Variants in PAPOLA observed in about 807,000 individuals in gnomAD.
PAPOLA encodes polynucleotide adenylyltransferase alpha.
In PAPOLA, 15 loss-of-function variants were observed where a neutral mutation model predicts 100.6. The observed-to-expected ratio is 0.15, with a 90% CI of 0.10 to 0.23. The LOEUF (loss-of-function observed/expected upper bound fraction) is 0.23, where lower values mean the gene tolerates loss of function less well. Among genes scored for constraint, PAPOLA ranks in the 10% least tolerant of loss-of-function variants. PAPOLA has a pLI of 1.00. For missense variants in PAPOLA, 533 were observed against 884.2 expected, an observed-to-expected ratio of 0.60 and a Z score of 5.04; for synonymous variants, 293 against 300.0, an observed-to-expected ratio of 0.98 and a Z score of 0.24.
intron 14 of PAPOLA, 122 bp downstream of exon 14, chr14:96,543,015 T>C (rs1900117661): frequency 1.0e-6 from 1 of 969,128 alleles, no homozygotes; most frequent in East Asian, 2.8e-5. Flanking sequence ...TTATAGACAA[T>C]TTAGAACTTA....
Position 96,507,279 on chromosome 14 carries a change from A to AGTTTTTT in PAPOLA, c.8+4680_8+4686dup, listed in dbSNP as rs1491010181. Among the ~76,000 whole-genome samples the AGTTTTTT allele has an allele frequency of 4.0e-3, 423 of 104,636 alleles. 9 individuals carry two copies. Among genetic ancestry groups the AGTTTTTT allele is most frequent in the African/African-American group, 0.015 (407 of 26,894 alleles). The allele number at this position is 104,636 out of a possible 152,430, so 68.6% of individuals were successfully genotyped here. A position where few individuals can be genotyped will look rare whatever the true frequency, so the allele number is the denominator to read the frequency against. ...TACTAAATTTTTTGTTTTGGAAAATAGTTTTTTTTTTTTTTTTTTTTTTTT... is the reference window on the plus strand; with the variant it reads ...TACTAAATTTTTTGTTTTGGAAAATAGTTTTTTGTTTTTTTTTTTTTTTTTTTTTTTT... On this transcript the variant is annotated intron_variant, in intron 1 of 21. Transcript: ENST00000216277.
rs1289488209 is a variant in PAPOLA, at chr14:96,565,147, C to G, written c.*97C>G. ...ATGGAGGGTACAAGACTAGACATGA[C>G]TGAAATGGATTTGGGTTTTTTGGTG... On this transcript the variant is annotated 3_prime_UTR_variant, in exon 22 of 22. Transcript: ENST00000216277. 1.4e-6 allele frequency: 1 copy of G among 728,744 alleles called. No individual in the cohort carries two copies. The highest frequency in any genetic ancestry group is 2.5e-6 in the Non-Finnish European group (1 of 406,040). The allele number at this position is 728,744 out of a possible 1,614,324, so 45.1% of individuals were successfully genotyped here.
In PAPOLA at chr14:96,565,303, A is replaced by C. The variant is rs1347820382; in HGVS notation, c.*253A>C. 2.5e-6 allele frequency: 1 copy of C among 392,784 alleles called. No homozygotes were observed. The highest frequency in any genetic ancestry group is 2.0e-5 in the African/African-American group (1 of 50,190). The allele number at this position is 392,784 out of a possible 1,614,324, so 24.3% of individuals were successfully genotyped here. The stretch of plus-strand genomic sequence containing the variant: ...AAAAATTACTGCCTTTAAAAAAAAC[A>C]ACCTCAAGCTATATTTGTATTCATA... On this transcript the variant is annotated 3_prime_UTR_variant, in exon 22 of 22. Coordinates refer to ENST00000216277, the MANE Select transcript of PAPOLA (RefSeq NM_032632.5).
intron 1 of PAPOLA, among the ~76,000 whole-genome samples, chr14:96,505,566 A>G (rs1191567116): frequency 1.3e-5 from 2 of 152,170 alleles, no homozygotes; most frequent in Non-Finnish European, 2.9e-5. Context: ...AGGCGAGACA[A>G]TAGCAAAAAT....
chr14:96,552,707 A>G (rs768554151), intron 17 of PAPOLA, 85 bp downstream of exon 17: 101 of 1,198,572 alleles, frequency 8.4e-5, no homozygotes, highest in Non-Finnish European at 1.1e-4. Flanking sequence ...AAAGTCATCT[A>G]TTTAGAATGT....
intron 13 of PAPOLA, 117 bp from the exon 14 acceptor site, chr14:96,542,657 G>C (rs1392124043): frequency 1.1e-6 from 1 of 951,466 alleles, no homozygotes; most frequent in East Asian, 2.7e-5. Context: ...AGAACATAAG[G>C]CTTCTGGTTT....
rs1902312370 is a variant in PAPOLA at position 96,566,860 on chromosome 14, TA to T, written c.*1813del. ...CATTGGGGAAAACAATTCAGTTTATTAAACGTTTCATGTAACTGCACCCAAG... is the reference window on the plus strand; with the variant it reads ...CATTGGGGAAAACAATTCAGTTTATTAACGTTTCATGTAACTGCACCCAAG... On this transcript the variant is annotated 3_prime_UTR_variant, in exon 22 of 22. Transcript: ENST00000216277. 1 of 152,610 alleles carries T rather than the reference TA, an allele frequency of 6.6e-6. No individual in the cohort carries two copies. 9.5% of individuals were successfully genotyped at this position (152,610 alleles called of 1,614,324 possible).
chr14:96,515,683 A>G (rs949737468), intron 1 of PAPOLA, among the ~76,000 whole-genome samples: 1 of 152,236 alleles, frequency 6.6e-6, no homozygotes, highest in South Asian at 2.1e-4. Context: ...AAAATGGACC[A>G]GTTGCTCAAG....
chr14:96,524,481 C>T (rs1379590932), intron 3 of PAPOLA, among the ~76,000 whole-genome samples: 1 of 151,866 alleles, frequency 6.6e-6, no homozygotes, highest in African/African-American at 2.4e-5. Context: ...TGTCCCTTTC[C>T]CCTTCCCGTT....
rs1209151840 is a variant in PAPOLA, at chr14:96,502,427, G to A, written c.-166G>A. 3 of 705,262 alleles carry A rather than the reference G, an allele frequency of 4.3e-6. No individual in the cohort carries two copies. The highest frequency in any genetic ancestry group is 1.8e-5 in the African/African-American group (1 of 56,270). 43.7% of individuals were successfully genotyped at this position (705,262 alleles called of 1,614,324 possible). A position where few individuals can be genotyped will look rare whatever the true frequency, so the allele number is the denominator to read the frequency against. On this transcript the variant is annotated 5_prime_UTR_variant, in exon 1 of 22. Coordinates refer to ENST00000216277, the MANE Select transcript of PAPOLA (RefSeq NM_032632.5). ...CTCGGGCGCCATGTTAGGACGAAGGGGAAGGAGGAGAAGCGCTTAAAGCGG... is the reference window on the plus strand; with the variant it reads ...CTCGGGCGCCATGTTAGGACGAAGGAGAAGGAGGAGAAGCGCTTAAAGCGG...
Position 96,565,006 on chromosome 14 carries a change from A to G in PAPOLA, c.2194A>G (p.Ile732Val), listed in dbSNP as rs574432969. 1.2e-5 allele frequency: 19 copies of G among 1,604,004 alleles called. No homozygotes were observed. In the South Asian group the frequency reaches 1.4e-4, roughly 12 times the overall value. The change falls in exon 22 of 22, where the codon ATT (isoleucine) becomes GTT (valine). Residue 732 changes from isoleucine (I) to valine (V), a missense_variant. Ile to Val is a conservative substitution (Grantham distance 29). Transcript: ENST00000216277. ...TATCCCTGCTCTCCCTGCAAATCCT[A>G]TTCCTGTTATCAAGAATTCAATAAA... ...SDIPALPANP[I>V]PVIKNSIKLR... is the part of the protein sequence containing the mutation.
chr14:96,533,464 C>CCTG, intron 9 of PAPOLA: 2 of 983,464 alleles, frequency 2.0e-6, no homozygotes, highest in Non-Finnish European at 2.4e-6. Context: ...CCATGCCACA[C>CCTG]TTTTCAGTAC....
chr14:96,551,995 A>G (rs1214090759), intron 16 of PAPOLA, among the ~76,000 whole-genome samples: 1 of 152,180 alleles, frequency 6.6e-6, no homozygotes, highest in Non-Finnish European at 1.5e-5. Flanking sequence ...GAGTGGCAAT[A>G]AGTTACACTT....
At chr14:96,530,870 G>A (rs564876799) in intron 6 of PAPOLA, among the ~76,000 whole-genome samples, 120 of 151,486 alleles carry the variant, frequency 7.9e-4, no homozygotes, top group African/African-American at 2.8e-3. Flanking sequence ...GCTGGAGTGC[G>A]GTGGCATGGT....
At chr14:96,556,101 G>C (rs1276902656) in intron 18 of PAPOLA, 74 bp from the exon 19 acceptor site, 1 of 1,328,348 alleles carries the variant, frequency 7.5e-7, no homozygotes, top group Non-Finnish European at 1.1e-6. Flanking sequence ...ATCAAATTCA[G>C]AGAAACAAAA....
intron 16 of PAPOLA, 25 bp downstream of exon 16, chr14:96,547,943 A>G: frequency 2.5e-6 from 4 of 1,569,808 alleles, no homozygotes; most frequent in Non-Finnish European, 3.5e-6. Flanking sequence ...TACTTACAAA[A>G]GCATTACTAA....
intron 1 of PAPOLA, among the ~76,000 whole-genome samples, chr14:96,505,714 G>GAAGAT (rs1439185454): frequency 6.6e-6 from 1 of 152,134 alleles, no homozygotes; most frequent in Non-Finnish European, 1.5e-5. Context: ...GGACCACTGA[G>GAAGAT]ATCTTTCAGA....
At chr14:96,507,582 GTTTT>G (rs892333100) in intron 1 of PAPOLA, among the ~76,000 whole-genome samples, 1 of 152,122 alleles carries the variant, frequency 6.6e-6, no homozygotes, top group Non-Finnish European at 1.5e-5. Context: ...GCCGAAAATA[GTTTT>G]TTAAAGCTAT....
rs149714711 is a variant in PAPOLA, at chr14:96,505,612, G to T, written c.8+3012G>T. ...GCTGCACAAAAAAGAGGGAATTGTA[G>T]TAGTTTTACATCGCCATAACAAGCA... is the stretch of plus-strand genomic sequence containing the variant. On this transcript the variant is annotated intron_variant, in intron 1 of 21. Transcript: ENST00000216277. Among the ~76,000 whole-genome samples the T allele has an allele frequency of 1.0e-3, 154 of 152,262 alleles. 1 individual carries two copies. Among genetic ancestry groups the T allele is most frequent in the Non-Finnish European group, 1.7e-3 (117 of 68,018 alleles).
Sources: gnomAD v4.1 joint callset for allele counts (sites outside exome capture counted in the v4.1 genomes callset) on GRCh38, gnomAD v4.1.1 for gene constraint, MANE v1.5 for transcripts, NCBI Gene and HGNC (gene_info 2026-07-23, HGNC 2026-07-21) for gene names.